DYTN: variants seen among roughly 807,000 people sequenced by gnomAD.
DYTN encodes the protein dystrotelin.
Under a neutral mutation model 69.6 loss-of-function variants are expected in DYTN, and 75 were observed. That is an observed-to-expected ratio of 1.08 (90% confidence interval 0.89 to 1.31). The LOEUF (loss-of-function observed/expected upper bound fraction) is 1.31. DYTN is among the 50% of genes most tolerant of loss of function. The probability of loss-of-function intolerance (pLI) is 0.00; values close to 1 mark genes in which losing one functional copy is unlikely to be tolerated. For synonymous variants in DYTN, 252 were observed against 249.1 expected (o/e 1.01, Z -0.11); for missense variants, 726 against 688.4 (o/e 1.05, Z -0.61).
chr2:206,683,526 T>C (rs1699774050), intron 9 of DYTN, among the ~76,000 whole-genome samples: 1 of 151,806 alleles, frequency 6.6e-6, no homozygotes, highest in South Asian at 2.1e-4. Flanking sequence ...GTATTGTTAG[T>C]AGAGACAGGG....
intron 9 of DYTN, among the ~76,000 whole-genome samples, chr2:206,681,254 C>T (rs1277108563): frequency 1.3e-5 from 2 of 152,182 alleles, no homozygotes; most frequent in Admixed American, 6.5e-5. Flanking sequence ...GGTTGCTTAT[C>T]AGCTTAAGGA....
At chr2:206,665,766 G>A (rs1237862756) in intron 10 of DYTN, 104 bp downstream of exon 10, 2 of 1,395,172 alleles carry the variant, frequency 1.4e-6, no homozygotes, top group East Asian at 2.4e-5. Context: ...AGAGGCAAGG[G>A]AAGAGGCTGA....
At chr2:206,713,323 A>G (rs1700096164) in intron 1 of DYTN, among the ~76,000 whole-genome samples, 1 of 152,238 alleles carries the variant, frequency 6.6e-6, no homozygotes, top group Admixed American at 6.5e-5. Context: ...CATGCTGTAC[A>G]GTAGATCTCT....
At chr2:206,689,940 T>C (rs1355166331) in intron 9 of DYTN, among the ~76,000 whole-genome samples, 1 of 152,212 alleles carries the variant, frequency 6.6e-6, no homozygotes, top group Admixed American at 6.5e-5. Context: ...GACATTATTA[T>C]AGATTCTGGC....
chr2:206,708,382 A>G (rs879569543), intron 2 of DYTN, among the ~76,000 whole-genome samples: 8 of 152,218 alleles, frequency 5.3e-5, no homozygotes, highest in Non-Finnish European at 1.2e-4. Flanking sequence ...CTGTGAAACC[A>G]TAAAACCCTG....
At chr2:206,664,319 G>T (rs1430414563) in intron 10 of DYTN, among the ~76,000 whole-genome samples, 1 of 152,146 alleles carries the variant, frequency 6.6e-6, no homozygotes, top group Non-Finnish European at 1.5e-5. Flanking sequence ...AACAAAGCGA[G>T]AATGTCACTG....
intron 9 of DYTN, among the ~76,000 whole-genome samples, chr2:206,680,904 T>C (rs143075135): frequency 1.5e-3 from 233 of 152,338 alleles, no homozygotes; most frequent in Admixed American, 2.9e-3. Context: ...AAATAGTTTT[T>C]TCTAATTATG....
At chr2:206,708,828 A>T (rs957331042) in intron 2 of DYTN, among the ~76,000 whole-genome samples, 1 of 152,184 alleles carries the variant, frequency 6.6e-6, no homozygotes, top group African/African-American at 2.4e-5. Context: ...GATTTTGTGT[A>T]TTGTTAATAT....
At chr2:206,715,395 C>CA (rs1559320394) in intron 1 of DYTN, among the ~76,000 whole-genome samples, 1 of 152,088 alleles carries the variant, frequency 6.6e-6, no homozygotes, top group Non-Finnish European at 1.5e-5. Flanking sequence ...CATCCTTATC[C>CA]AGCACAGGGA....
intron 1 of DYTN, among the ~76,000 whole-genome samples, chr2:206,712,402 C>T (rs923854400): frequency 6.6e-6 from 1 of 152,098 alleles, no homozygotes; most frequent in Non-Finnish European, 1.5e-5. Context: ...AATCAAACTG[C>T]AGAGGATGGA....
intron 9 of DYTN, among the ~76,000 whole-genome samples, chr2:206,683,627 A>G (rs144505413): frequency 1.3e-5 from 2 of 152,082 alleles, no homozygotes; most frequent in Non-Finnish European, 2.9e-5. Flanking sequence ...TACAGGCATG[A>G]GCCACCGCGC....
At chr2:206,691,135 G>A (rs1157267181) in intron 9 of DYTN, among the ~76,000 whole-genome samples, 3 of 152,096 alleles carry the variant, frequency 2.0e-5, no homozygotes, top group South Asian at 2.1e-4. Context: ...TATGGAGGCC[G>A]GGCACGGTGG....
At chr2:206,666,216 T>C (rs552432264) in intron 9 of DYTN, among the ~76,000 whole-genome samples, 187 bp from the exon 10 acceptor site, 1 of 152,212 alleles carries the variant, frequency 6.6e-6, no homozygotes, top group Non-Finnish European at 1.5e-5. Flanking sequence ...AGTGGCGCGA[T>C]CTTGGTTCAC....
intron 9 of DYTN, among the ~76,000 whole-genome samples, chr2:206,672,694 G>T (rs1182329976): frequency 6.6e-6 from 1 of 152,208 alleles, no homozygotes; most frequent in Non-Finnish European, 1.5e-5. Flanking sequence ...GACTATTACA[G>T]ATGACCATAT....
intron 9 of DYTN, among the ~76,000 whole-genome samples, chr2:206,683,370 G>C (rs1348107036): frequency 8.0e-6 from 1 of 125,498 alleles, no homozygotes; most frequent in African/African-American, 3.0e-5. Context: ...TTGAGATGGA[G>C]TCTCACTCTG....
intron 9 of DYTN, among the ~76,000 whole-genome samples, chr2:206,681,984 C>T (rs188853431): frequency 1.7e-4 from 26 of 152,216 alleles, no homozygotes; most frequent in African/African-American, 5.5e-4. Flanking sequence ...TGGTAGAATT[C>T]GGCTGTGAAT....
intron 9 of DYTN, among the ~76,000 whole-genome samples, chr2:206,689,983 T>TCATAGAGCTTA (rs1355484651): frequency 2.0e-5 from 3 of 152,208 alleles, no homozygotes; most frequent in African/African-American, 7.2e-5. Context: ...ATTCCTCCCC[T>TCATAGAGCTTA]CATAGAGCTT....
chr2:206,661,601 T>TAAAG lies in DYTN; in HGVS notation c.1633+1298_1633+1301dup, dbSNP rs947006233. Among the ~76,000 whole-genome samples the TAAAG allele has an allele frequency of 3.9e-5, 6 of 152,210 alleles. 1 individual carries two copies. The highest frequency in any genetic ancestry group is 3.3e-4 in the Admixed American group (5 of 15,272). On this transcript the variant is annotated intron_variant, in intron 11 of 11. Transcript: ENST00000452335. ...AAAATAATGAGGATGAAGACCTTTATAAAGATCCACTTCCACTTAAATATA... is the reference window on the plus strand; with the variant it reads ...AAAATAATGAGGATGAAGACCTTTATAAAGAAAGATCCACTTCCACTTAAATATA...
chr2:206,677,938 C>G (rs1026071672), intron 9 of DYTN, among the ~76,000 whole-genome samples: 2 of 151,566 alleles, frequency 1.3e-5, no homozygotes, highest in African/African-American at 4.9e-5. Flanking sequence ...TGCAGTGAGC[C>G]AAGATAGTGC....
Sources: allele counts gnomAD v4.1 joint callset (sites outside exome capture counted in the v4.1 genomes callset), GRCh38; gene constraint gnomAD v4.1.1; transcripts MANE v1.5; gene names NCBI Gene and HGNC (gene_info 2026-07-23, HGNC 2026-07-21).